ABHD6: variants seen among roughly 807,000 people sequenced by gnomAD.
The protein encoded by ABHD6 is abhydrolase domain containing 6, acylglycerol lipase.
ABHD6 carries 33 observed loss-of-function variants against 38.8 expected under a neutral mutation model. That is an observed-to-expected ratio of 0.85 (90% CI 0.64 to 1.14). The LOEUF (loss-of-function observed/expected upper bound fraction) is 1.14, where lower values mean the gene tolerates loss of function less well. Among genes scored for constraint, ABHD6 ranks in the 50% most tolerant of loss-of-function variants. ABHD6 has a pLI of 0.00. For missense variants in ABHD6, 380 were observed against 422.6 expected (o/e 0.90, Z 0.88); for synonymous variants, 147 against 161.6 (o/e 0.91, Z 0.69).
chr3:58,258,425 G>T, intron 3 of ABHD6: 1 of 407,220 alleles, frequency 2.5e-6, no homozygotes, highest in South Asian at 1.7e-5. Context: ...GAAAGATGTA[G>T]CAGCCCTGAG....
At chr3:58,246,428 C>T (rs887597826) in intron 1 of ABHD6, among the ~76,000 whole-genome samples, 4 of 152,328 alleles carry the variant, frequency 2.6e-5, no homozygotes, top group Non-Finnish European at 5.9e-5. Context: ...AGCTGAGCCT[C>T]GGACTGATCT....
chr3:58,273,739 A>G lies in ABHD6; in HGVS notation c.524-919A>G, dbSNP rs2097446634. 6.6e-6 allele frequency among the ~76,000 whole-genome samples: 1 copy of G among 152,126 alleles called. No homozygotes were observed. Among genetic ancestry groups the G allele is most frequent in the African/African-American group, 2.4e-5 (1 of 41,426 alleles). ...GGGCCTGTCAGAGGGTGGAGGTCAC[A>G]GGGAGGGAGAGCATTAGGACAAATG... On this transcript the variant is annotated intron_variant, in intron 6 of 9. Coordinates refer to ENST00000478253, the MANE Select transcript of ABHD6 (RefSeq NM_001320126.2). This position sits in a 1 kb window ranked among gnomAD's most constrained non-coding sequence, Gnocchi z 4.8.
At chr3:58,290,171 A>ACG (rs2097460985) in intron 9 of ABHD6, among the ~76,000 whole-genome samples, 1 of 75,302 alleles carries the variant, frequency 1.3e-5, no homozygotes. Flanking sequence ...CGGGGGGCTG[A>ACG]CCCCCCCACC....
rs1273571346 is a variant in ABHD6, at chr3:58,266,428, T to A, written c.120-761T>A. On this transcript the variant is annotated intron_variant, in intron 3 of 9. Coordinates refer to ENST00000478253, the MANE Select transcript of ABHD6 (RefSeq NM_001320126.2). The surrounding 1 kb of genome is among the most constrained non-coding windows in gnomAD (Gnocchi z 4.0). ...CAGCGTGGGTGACAGAGCGAGACTGTATCTAAAAAAAAAAAAAACCTGACC... is the reference window on the plus strand; with the variant it reads ...CAGCGTGGGTGACAGAGCGAGACTGAATCTAAAAAAAAAAAAAACCTGACC... 7.3e-6 allele frequency among the ~76,000 whole-genome samples: 1 copy of A among 137,538 alleles called. No individual in the cohort carries two copies. Among genetic ancestry groups the A allele is most frequent in the South Asian group, 2.3e-4 (1 of 4,418 alleles). The allele number at this position is 137,538 out of a possible 152,430, so 90.2% of individuals were successfully genotyped here. A position where few individuals can be genotyped will look rare whatever the true frequency, so the allele number is the denominator to read the frequency against.
chr3:58,282,756 A>G (rs2097454281), intron 7 of ABHD6, among the ~76,000 whole-genome samples: 1 of 152,136 alleles, frequency 6.6e-6, no homozygotes, highest in East Asian at 1.9e-4. Context: ...CAACAAAAAC[A>G]AAAACAGAGG....
intron 3 of ABHD6, chr3:58,258,636 G>A: frequency 5.1e-6 from 1 of 194,450 alleles, no homozygotes; most frequent in Non-Finnish European, 1.1e-5. Context: ...TAAGCCCATT[G>A]AGATCTAACT....
At chr3:58,286,873 T>TATA in intron 9 of ABHD6, among the ~76,000 whole-genome samples, 1 of 134,618 alleles carries the variant, frequency 7.4e-6, no homozygotes, top group Non-Finnish European at 1.6e-5. Context: ...TATATATGTA[T>TATA]ATGTATATAT....
At chr3:58,279,272 A>T (rs1003137889) in intron 7 of ABHD6, among the ~76,000 whole-genome samples, 5 of 152,172 alleles carry the variant, frequency 3.3e-5, no homozygotes, top group South Asian at 2.1e-4. Context: ...TTGCTTTATG[A>T]ATCTGGGTGC....
chr3:58,248,942 A>G (rs1575514058), intron 1 of ABHD6, among the ~76,000 whole-genome samples: 1 of 152,240 alleles, frequency 6.6e-6, no homozygotes, highest in African/African-American at 2.4e-5. Context: ...ATCTCTTATT[A>G]TAAATGAGAT....
chr3:58,240,792 G>A lies in ABHD6; in HGVS notation c.-91+2876G>A, dbSNP rs1054712810. On this transcript the variant is annotated intron_variant, in intron 1 of 9. Coordinates refer to ENST00000478253, the MANE Select transcript of ABHD6 (RefSeq NM_001320126.2). ...GTCGCCCAGGCTGGAGTGCAGTAGCGCGATCTCGGCTCACCGCAACCTCCG... is the reference window on the plus strand; with the variant it reads ...GTCGCCCAGGCTGGAGTGCAGTAGCACGATCTCGGCTCACCGCAACCTCCG... Among the ~76,000 whole-genome samples, 4 of 147,162 alleles carry A rather than the reference G, an allele frequency of 2.7e-5. 1 individual carries two copies. Among genetic ancestry groups the A allele is most frequent in the South Asian group, 4.2e-4 (2 of 4,738 alleles).
intron 1 of ABHD6, among the ~76,000 whole-genome samples, chr3:58,248,468 C>T (rs6445962): frequency 0.42 from 64,580 of 152,084 alleles, 14,825 homozygotes; most frequent in African/African-American, 0.61. Flanking sequence ...AAGGCCGAGG[C>T]AGGCTGATCA....
chr3:58,270,077 A>G (rs2097443728), intron 5 of ABHD6, among the ~76,000 whole-genome samples: 1 of 152,190 alleles, frequency 6.6e-6, no homozygotes, highest in Admixed American at 6.5e-5. Flanking sequence ...TTTCCTGTAC[A>G]TAATAGATAT....
chr3:58,238,399 C>G lies in ABHD6; in HGVS notation c.-91+483C>G, dbSNP rs2097420566. ...TCCCCAAGATCTCGCTCCGCTACTCCCCTCCCCCAGCAGCCTTTCAGCTTC... is the reference window on the plus strand; with the variant it reads ...TCCCCAAGATCTCGCTCCGCTACTCGCCTCCCCCAGCAGCCTTTCAGCTTC... On this transcript the variant is annotated intron_variant, in intron 1 of 9. Transcript: ENST00000478253. This position sits in a 1 kb window ranked among gnomAD's most constrained non-coding sequence, Gnocchi z 6.9. 6.5e-6 allele frequency: 1 copy of G among 152,820 alleles called. No individual in the cohort carries two copies. The highest frequency in any genetic ancestry group is 2.4e-5 in the African/African-American group (1 of 41,478). The allele number at this position is 152,820 out of a possible 1,614,324, so 9.5% of individuals were successfully genotyped here.
intron 7 of ABHD6, among the ~76,000 whole-genome samples, chr3:58,278,222 G>A (rs1292554088): frequency 6.6e-6 from 1 of 152,092 alleles, no homozygotes; most frequent in Non-Finnish European, 1.5e-5. Flanking sequence ...CTGTAAATCT[G>A]TCTGGTCCTG....
chr3:58,275,432 C>T (rs190745187), intron 7 of ABHD6, among the ~76,000 whole-genome samples: 3 of 150,434 alleles, frequency 2.0e-5, no homozygotes, highest in South Asian at 2.1e-4. Context: ...CAGGTTCAAG[C>T]GATTCTTCTG....
intron 1 of ABHD6, among the ~76,000 whole-genome samples, chr3:58,240,747 T>TTTC: frequency 6.6e-6 from 1 of 150,798 alleles, no homozygotes; most frequent in African/African-American, 2.4e-5. Context: ...TTTTTTTTTT[T>TTTC]TGAGACGGAG....
intron 3 of ABHD6, among the ~76,000 whole-genome samples, chr3:58,260,248 T>C (rs970891103): frequency 8.6e-5 from 13 of 151,972 alleles, no homozygotes; most frequent in African/African-American, 2.9e-4. Context: ...ATGCATGGGG[T>C]CTTAAAGCCT....
chr3:58,245,300 G>C (rs530645028), intron 1 of ABHD6, among the ~76,000 whole-genome samples: 2 of 152,300 alleles, frequency 1.3e-5, no homozygotes, highest in Admixed American at 1.3e-4. Context: ...GAGTAGCTGA[G>C]ATTACTGAGA....
chr3:58,281,715 C>T (rs900401455), intron 7 of ABHD6, among the ~76,000 whole-genome samples: 4 of 152,220 alleles, frequency 2.6e-5, no homozygotes, highest in African/African-American at 9.6e-5. Flanking sequence ...TGTTCCTATT[C>T]GGCCATCTTG....
Sources: allele counts gnomAD v4.1 joint callset (sites outside exome capture counted in the v4.1 genomes callset), GRCh38; gene constraint gnomAD v4.1.1; non-coding constraint Gnocchi (gnomAD v3.1); transcripts MANE v1.5; gene names NCBI Gene and HGNC (gene_info 2026-07-23, HGNC 2026-07-21).